Variants in PELI2 observed in about 807,000 individuals in gnomAD.
PELI2 encodes the protein E3 ubiquitin-protein ligase pellino homolog 2.
A neutral mutation model predicts 42.3 loss-of-function variants in PELI2; 23 were observed. The observed-to-expected ratio is 0.54, with a 90% CI of 0.39 to 0.77. PELI2 has a LOEUF of 0.77. Ranked by LOEUF, PELI2 falls within the 30% of genes least tolerant of loss-of-function variation. PELI2 has a pLI of 0.00. For synonymous variants in PELI2, 245 were observed against 212.2 expected (o/e 1.15, Z -1.34); for missense variants, 463 against 553.2 (o/e 0.84, Z 1.64).
Position 56,178,421 on chromosome 14 carries a change from A to C in PELI2, c.164A>C (p.Lys55Thr), listed in dbSNP as rs1176605906. Residue 55 changes from lysine to threonine, a missense_variant, in exon 2 of 6, where the codon AAA becomes ACA. By Grantham distance (78) the Lys-to-Thr change is moderately conservative. Around this residue, in one of 3 missense-constraint regions of PELI2, gnomAD observed 343 missense variants for 378.4 expected, o/e 0.91. Coordinates refer to ENST00000267460, the MANE Select transcript of PELI2 (RefSeq NM_021255.3). Reference sequence around the variant, plus strand: ...AAGCGGCCCAAGGCAAATGGTGTCAAACCCAGCACCGTCCATGTGATATCC... The same window carrying C: ...AAGCGGCCCAAGGCAAATGGTGTCACACCCAGCACCGTCCATGTGATATCC... Reference protein sequence around the residue: ...LYKRPKANGVKPSTVHVISTP... With the variant: ...LYKRPKANGVTPSTVHVISTP... 2 of 1,614,214 alleles carry C rather than the reference A, an allele frequency of 1.2e-6. No individual in the cohort carries two copies. Among genetic ancestry groups the C allele is most frequent in the Non-Finnish European group, 8.5e-7 (1 of 1,180,016 alleles).
At chr14:56,246,974 T>C (rs1178527731) in intron 2 of PELI2, among the ~76,000 whole-genome samples, 1 of 152,234 alleles carries the variant, frequency 6.6e-6, no homozygotes, top group Non-Finnish European at 1.5e-5. Flanking sequence ...GGTAGTGTGA[T>C]ACGAGAGTAC....
At chr14:56,210,354 G>A (rs1886670699) in intron 2 of PELI2, among the ~76,000 whole-genome samples, 1 of 151,984 alleles carries the variant, frequency 6.6e-6, no homozygotes, top group East Asian at 1.9e-4. Context: ...GATGAGGATT[G>A]GGAAGTCAGT....
chr14:56,211,084 G>C (rs1388693311), intron 2 of PELI2, among the ~76,000 whole-genome samples: 2 of 152,178 alleles, frequency 1.3e-5, no homozygotes, highest in Non-Finnish European at 2.9e-5. Context: ...TAGCCCACCG[G>C]TGGTACTTTG....
At chr14:56,282,770 C>T (rs1271502548) in intron 3 of PELI2, among the ~76,000 whole-genome samples, 3 of 152,000 alleles carry the variant, frequency 2.0e-5, no homozygotes, top group African/African-American at 7.2e-5. Flanking sequence ...AAAATATCTT[C>T]CTACATAAGT....
chr14:56,126,044 A>G (rs1883245899), intron 1 of PELI2, among the ~76,000 whole-genome samples: 2 of 152,194 alleles, frequency 1.3e-5, no homozygotes, highest in Admixed American at 1.3e-4. Context: ...AGTTTCCCTG[A>G]GAAACTAAAC....
At position 56,237,362 on chromosome 14, in the gene PELI2, G is replaced by A. The variant is rs189942743; in HGVS notation, c.208-42314G>A. Among the ~76,000 whole-genome samples the A allele has an allele frequency of 3.2e-3, 483 of 152,188 alleles. 4 individuals carry two copies. Among genetic ancestry groups the A allele is most frequent in the Non-Finnish European group, 4.2e-3 (284 of 67,998 alleles). ...GATTCACAGAATCCATGGCAGAAAC[G>A]CATCCACACCTTGCTTAATATTCAG... On this transcript the variant is annotated intron_variant, in intron 2 of 5. Coordinates refer to ENST00000267460, the MANE Select transcript of PELI2 (RefSeq NM_021255.3).
At position 56,292,885 on chromosome 14, in the gene PELI2, TA is replaced by T. The variant is rs2139903072; in HGVS notation, c.696+2430del. On this transcript the variant is annotated intron_variant, in intron 5 of 5. Coordinates refer to ENST00000267460, the MANE Select transcript of PELI2 (RefSeq NM_021255.3). ...TAACATATGGTAACATTTATAATAT[TA>T]CTCCAGGAGGGCCTTGAGTATTTAA... 3 of 892,934 alleles carry T rather than the reference TA, an allele frequency of 3.4e-6. No individual in the cohort carries two copies. The South Asian group carries it at 1.5e-4, about 46-fold the overall frequency. The allele number at this position is 892,934 out of a possible 1,614,324, so 55.3% of individuals were successfully genotyped here.
Position 56,172,333 on chromosome 14 carries a change from T to A in PELI2, c.78-6002T>A, listed in dbSNP as rs1885207894. On this transcript the variant is annotated intron_variant, in intron 1 of 5. Transcript: ENST00000267460. The stretch of plus-strand genomic sequence containing the variant: ...CTGAGCAGAGTGCCTACATGTGGCC[T>A]GCCCAGCATGGTGGTCCCAGGGTAG... Among the ~76,000 whole-genome samples, 3 of 152,316 alleles carry A rather than the reference T, an allele frequency of 2.0e-5. No individual in the cohort carries two copies. In the South Asian group the frequency reaches 6.2e-4, roughly 32 times the overall value.
intron 2 of PELI2, among the ~76,000 whole-genome samples, chr14:56,240,752 T>C (rs1298551096): frequency 6.6e-6 from 1 of 152,096 alleles, no homozygotes; most frequent in Non-Finnish European, 1.5e-5. Flanking sequence ...GGTGGAATGC[T>C]AGCTTTGGAT....
intron 1 of PELI2, among the ~76,000 whole-genome samples, chr14:56,159,556 A>G (rs1413466353): frequency 1.3e-5 from 2 of 152,042 alleles, no homozygotes; most frequent in Admixed American, 6.6e-5. Flanking sequence ...ATACTGATCT[A>G]TTTGTTGCTA....
chr14:56,144,967 C>A, intron 1 of PELI2: 1 of 984,222 alleles, frequency 1.0e-6, no homozygotes, highest in Non-Finnish European at 1.2e-6. Flanking sequence ...ATGTGGAAGA[C>A]CCAGTTTGGA....
Position 56,213,238 on chromosome 14 carries a change from A to G in PELI2, c.207+34774A>G, listed in dbSNP as rs116178066. Among the ~76,000 whole-genome samples the G allele has an allele frequency of 1.2e-3, 190 of 152,360 alleles. 1 individual carries two copies. Among genetic ancestry groups the G allele is most frequent in the African/African-American group, 4.1e-3 (172 of 41,580 alleles). ...AAATGGAAACTGTCAGGGTAATGAT[A>G]TCTTTTCTCCTCCAACATGTGTGGA... On this transcript the variant is annotated intron_variant, in intron 2 of 5. Coordinates refer to ENST00000267460, the MANE Select transcript of PELI2 (RefSeq NM_021255.3).
chr14:56,148,948 G>A lies in PELI2; in HGVS notation c.78-29387G>A, dbSNP rs573370832. Among the ~76,000 whole-genome samples, 5 of 152,252 alleles carry A rather than the reference G, an allele frequency of 3.3e-5. No homozygotes were observed. The South Asian group carries it at 6.2e-4, about 19-fold the overall frequency. On this transcript the variant is annotated intron_variant, in intron 1 of 5. Transcript: ENST00000267460. The stretch of plus-strand genomic sequence containing the variant: ...AAGTGAGAGGCAGCCCATGAATATC[G>A]GAGGAGGAAGTGTGTGGGTAACTGT...
chr14:56,289,469 A>G (rs1261162673), intron 4 of PELI2, among the ~76,000 whole-genome samples: 1 of 152,154 alleles, frequency 6.6e-6, no homozygotes, highest in Non-Finnish European at 1.5e-5. Flanking sequence ...TTCTTAGAGC[A>G]CAGACACCTT....
At chr14:56,162,361 T>C (rs1884796110) in intron 1 of PELI2, among the ~76,000 whole-genome samples, 1 of 152,178 alleles carries the variant, frequency 6.6e-6, no homozygotes, top group Non-Finnish European at 1.5e-5. Flanking sequence ...TGAGAACATG[T>C]GATGTTTGTT....
At position 56,297,154 on chromosome 14, in the gene PELI2, T is replaced by C. The variant is rs774756741; in HGVS notation, c.1251T>C (p.Gly417=). 7 of 1,597,900 alleles carry C rather than the reference T, an allele frequency of 4.4e-6. No individual in the cohort carries two copies. The highest frequency in any genetic ancestry group is 4.0e-5 in the African/African-American group (3 of 74,874). The stretch of plus-strand genomic sequence containing the variant: ...ACTGCATCAAATTAATTTTCCAAGG[T>C]CCAATTGACTGACGCCCTTGACAGC... The part of the protein sequence containing the change: ...EQNCIKLIFQ[G]PID The change falls in exon 6 of 6, where the codon GGT becomes GGC. Residue 417 remains glycine (G), a synonymous_variant. Coordinates refer to ENST00000267460, the MANE Select transcript of PELI2 (RefSeq NM_021255.3).
intron 2 of PELI2, among the ~76,000 whole-genome samples, chr14:56,241,837 C>T (rs973288891): frequency 6.6e-6 from 1 of 152,144 alleles, no homozygotes; most frequent in African/African-American, 2.4e-5. Context: ...CTTAGCCCAA[C>T]AGTCAAGTAC....
At position 56,197,998 on chromosome 14, in the gene PELI2, AC is replaced by A. The variant is rs1886194693; in HGVS notation, c.207+19535del. Among the ~76,000 whole-genome samples the A allele has an allele frequency of 6.8e-6, 1 of 147,968 alleles. No homozygotes were observed. Among genetic ancestry groups the A allele is most frequent in the East Asian group, 2.1e-4 (1 of 4,854 alleles). Reference sequence around the variant, plus strand: ...CACACACACACACACACACACACACACACACACACACACACCCACCTCTTTG... The same window carrying A: ...CACACACACACACACACACACACACAACACACACACACACCCACCTCTTTG... On this transcript the variant is annotated intron_variant, in intron 2 of 5. Coordinates refer to ENST00000267460, the MANE Select transcript of PELI2 (RefSeq NM_021255.3). The surrounding 1 kb of genome is among the most constrained non-coding windows in gnomAD (Gnocchi z 4.9).
intron 5 of PELI2, among the ~76,000 whole-genome samples, chr14:56,295,343 C>T (rs994689600): frequency 2.0e-5 from 3 of 152,052 alleles, no homozygotes; most frequent in South Asian, 2.1e-4. Flanking sequence ...CTGGGTCTCT[C>T]GTCCCCCCCC....
Sources: gnomAD v4.1 joint callset for allele counts (sites outside exome capture counted in the v4.1 genomes callset) on GRCh38, gnomAD v4.1.1 for gene constraint, gnomAD v4.1.1 regional missense constraint, Gnocchi (gnomAD v3.1) non-coding constraint, MANE v1.5 for transcripts, NCBI Gene and HGNC (gene_info 2026-07-23, HGNC 2026-07-21) for gene names.